The following DLGAP2 variants were observed in gnomAD, a reference collection of about 807,000 sequenced individuals.
The protein encoded by DLGAP2 is DLG associated protein 2.
In DLGAP2, 26 loss-of-function variants were observed where a neutral mutation model predicts 100.3. The observed-to-expected ratio is 0.26, with a 90% CI of 0.19 to 0.36. DLGAP2 has a LOEUF of 0.36. DLGAP2 is among the 10% of genes least tolerant of loss of function. DLGAP2 has a pLI of 1.00. For synonymous variants in DLGAP2, 886 were observed against 630.1 expected (o/e 1.41, Z -6.08); for missense variants, 1,858 against 1,453.2 (o/e 1.28, Z -4.53).
intron 3 of DLGAP2, among the ~76,000 whole-genome samples, chr8:1,314,192 G>C (rs771270488): frequency 2.0e-5 from 3 of 152,142 alleles, no homozygotes; most frequent in Non-Finnish European, 4.4e-5. Context: ...ATTTGCTTTA[G>C]ATTTCATAGC....
At position 1,093,392 on chromosome 8, in the gene DLGAP2, G is replaced by A. The variant is rs143556425; in HGVS notation, c.74-165459G>A. ...ACACCTTCACACCAACAGCCAGACC[G>A]AAACACCTTCACACTGACAGCCAGA... On this transcript the variant is annotated intron_variant, in intron 2 of 14. Coordinates refer to ENST00000637795, the MANE Select transcript of DLGAP2 (RefSeq NM_001346810.2). Among the ~76,000 whole-genome samples, 933 of 150,576 alleles carry A rather than the reference G, an allele frequency of 6.2e-3. 9 individuals are homozygous for A. The highest frequency in any genetic ancestry group is 0.022 in the African/African-American group (889 of 40,366).
chr8:1,484,915 C>G (rs373162140), intron 3 of DLGAP2, among the ~76,000 whole-genome samples: 1 of 152,220 alleles, frequency 6.6e-6, no homozygotes, highest in Admixed American at 6.5e-5. Context: ...GCTCTGCCGT[C>G]TCCTTTGCTG....
chr8:1,469,296 G>A (rs550769973), intron 3 of DLGAP2, among the ~76,000 whole-genome samples: 40 of 152,330 alleles, frequency 2.6e-4, no homozygotes, highest in African/African-American at 8.9e-4. Flanking sequence ...AACACCTTGC[G>A]GCATTCAGCT....
At chr8:810,873 T>C (rs557740232) in intron 1 of DLGAP2, among the ~76,000 whole-genome samples, 63 of 152,352 alleles carry the variant, frequency 4.1e-4, no homozygotes, top group African/African-American at 1.4e-3. Flanking sequence ...TTACACGGAA[T>C]TGCAAACTTG....
At chr8:1,127,911 G>A (rs765905764) in intron 2 of DLGAP2, among the ~76,000 whole-genome samples, 1 of 152,174 alleles carries the variant, frequency 6.6e-6, no homozygotes, top group Non-Finnish European at 1.5e-5. Context: ...TCCTATTCCG[G>A]ATCTTTCAAA....
In DLGAP2 at chr8:1,258,988, T is replaced by C. The variant is rs1454770558; in HGVS notation, c.106+105T>C. 7.2e-6 allele frequency: 7 copies of C among 971,490 alleles called. No individual in the cohort carries two copies. The African/African-American group carries it at 8.4e-5, about 12-fold the overall frequency. The allele number at this position is 971,490 out of a possible 1,614,324, so 60.2% of individuals were successfully genotyped here. On this transcript the variant is annotated intron_variant, in intron 3 of 14. Coordinates refer to ENST00000637795, the MANE Select transcript of DLGAP2 (RefSeq NM_001346810.2). ...AACGTGTTGGAGAGAACCTTGAACA[T>C]TGAGGACGCAGTCTGTGTGCTGTTT...
In DLGAP2 at chr8:1,548,874, G is replaced by A. The variant is rs374377737; in HGVS notation, c.421G>A (p.Val141Met). 6.3e-7 allele frequency: 1 copy of A among 1,593,228 alleles called. No homozygotes were observed. The stretch of plus-strand genomic sequence containing the variant: ...CCACCGCTGCTCGCCGCGCAGCTCG[G>A]TGCACTCGGAGTGCGTGATGATGCC... ...GRHRCSPRSS[V>M]HSECVMMPVV... The change falls in exon 5 of 15, where the codon GTG becomes ATG. Residue 141 changes from valine (V) to methionine (M), a missense_variant. Transcript: ENST00000637795.
rs145432354 is a variant in DLGAP2 at position 803,043 on chromosome 8, C to G, written c.18+65218C>G. Reference sequence around the variant, plus strand: ...GTTTGAGTAAGGTGAGAAGAGGCCACAAGGAGACCCAGGTAACAGCTGCCA... The same window carrying G: ...GTTTGAGTAAGGTGAGAAGAGGCCAGAAGGAGACCCAGGTAACAGCTGCCA... On this transcript the variant is annotated intron_variant, in intron 1 of 14. Coordinates refer to ENST00000637795, the MANE Select transcript of DLGAP2 (RefSeq NM_001346810.2). Among the ~76,000 whole-genome samples, 15 of 152,344 alleles carry G rather than the reference C, an allele frequency of 9.8e-5. No individual in the cohort carries two copies. In the East Asian group the frequency reaches 2.9e-3, roughly 29 times the overall value.
rs143874555 is a variant in DLGAP2 at position 1,335,766 on chromosome 8, T to G, written c.106+76883T>G. 2.6e-3 allele frequency among the ~76,000 whole-genome samples: 390 copies of G among 152,358 alleles called. 2 individuals are homozygous for G. The highest frequency in any genetic ancestry group is 8.6e-3 in the African/African-American group (358 of 41,594). On this transcript the variant is annotated intron_variant, in intron 3 of 14. Coordinates refer to ENST00000637795, the MANE Select transcript of DLGAP2 (RefSeq NM_001346810.2). The stretch of plus-strand genomic sequence containing the variant: ...TTATGTGTTTTGTTGCTATGTTTAT[T>G]TATGTCCTTCCTTGTTCCAGAGTGG...
intron 3 of DLGAP2, among the ~76,000 whole-genome samples, chr8:1,488,440 G>T (rs1799285852): frequency 6.6e-6 from 1 of 152,164 alleles, no homozygotes; most frequent in Admixed American, 6.5e-5. Context: ...TTGGGAATGG[G>T]CAGTTGAGCA....
intron 3 of DLGAP2, among the ~76,000 whole-genome samples, chr8:1,333,100 G>T (rs1401514460): frequency 2.0e-5 from 3 of 152,132 alleles, no homozygotes; most frequent in African/African-American, 7.2e-5. Flanking sequence ...GCCTCCGGGC[G>T]GTCTGTTCCT....
At chr8:1,676,359 A>G (rs1169572761) in intron 10 of DLGAP2, among the ~76,000 whole-genome samples, 174 bp from the exon 11 acceptor site, 6 of 152,172 alleles carry the variant, frequency 3.9e-5, no homozygotes, top group Non-Finnish European at 5.9e-5. Flanking sequence ...GAGTGATGTA[A>G]TTACTCCAGT....
chr8:1,366,268 C>T (rs890947034), intron 3 of DLGAP2, among the ~76,000 whole-genome samples: 2 of 152,202 alleles, frequency 1.3e-5, no homozygotes, highest in African/African-American at 4.8e-5. Flanking sequence ...ATTTATCACC[C>T]ATTTGTACTA....
At chr8:1,435,765 C>G (rs939310206) in intron 3 of DLGAP2, among the ~76,000 whole-genome samples, 1 of 151,882 alleles carries the variant, frequency 6.6e-6, no homozygotes, top group Non-Finnish European at 1.5e-5. Flanking sequence ...CCCTTAAGTC[C>G]TAACAGTGGG....
At chr8:1,586,375 C>T (rs1796119523) in intron 6 of DLGAP2, among the ~76,000 whole-genome samples, 1 of 152,366 alleles carries the variant, frequency 6.6e-6, no homozygotes, top group South Asian at 2.1e-4. Flanking sequence ...CTGCCTGCAT[C>T]TTCAGAGCCA....
chr8:1,243,282 T>C (rs143293385), intron 2 of DLGAP2, among the ~76,000 whole-genome samples: 1 of 152,234 alleles, frequency 6.6e-6, no homozygotes, highest in Non-Finnish European at 1.5e-5. Context: ...GCTGGTGCCC[T>C]GTAGAGGTGA....
intron 2 of DLGAP2, 34 bp from the exon 3 acceptor site, chr8:1,258,817 G>T: frequency 8.1e-7 from 1 of 1,231,484 alleles, no homozygotes; most frequent in South Asian, 4.1e-5. Context: ...GAGACCCTGT[G>T]GGTGTAACAG....
chr8:810,700 G>C (rs1054683438), intron 1 of DLGAP2, among the ~76,000 whole-genome samples: 4 of 152,200 alleles, frequency 2.6e-5, no homozygotes, highest in Admixed American at 1.3e-4. Flanking sequence ...TTTTTAAACT[G>C]AGAACAGAGG....
intron 2 of DLGAP2, among the ~76,000 whole-genome samples, chr8:1,130,695 C>G (rs1449505056): frequency 1.3e-5 from 2 of 152,250 alleles, no homozygotes; most frequent in Non-Finnish European, 2.9e-5. Flanking sequence ...AGCAACCAGC[C>G]TCTTCCTCCC....
Sources: allele counts gnomAD v4.1 joint callset (sites outside exome capture counted in the v4.1 genomes callset), GRCh38; gene constraint gnomAD v4.1.1; transcripts MANE v1.5; gene names NCBI Gene and HGNC (gene_info 2026-07-23, HGNC 2026-07-21).